Variants in TGM3 observed in about 807,000 individuals in gnomAD.
TGM3 encodes the protein protein-glutamine gamma-glutamyltransferase E.
A neutral mutation model predicts 73.8 loss-of-function variants in TGM3; 52 were observed. The ratio of observed to expected loss-of-function variants is 0.70; its 90% CI spans 0.56 to 0.89. TGM3 has a LOEUF of 0.89. Ranked by LOEUF, TGM3 falls within the 40% of genes least tolerant of loss-of-function variation. The pLI is 0.00. For synonymous variants in TGM3, 372 were observed against 354.9 expected (o/e 1.05, Z -0.54); for missense variants, 928 against 909.9 (o/e 1.02, Z -0.26).
In TGM3 at chr20:2,300,835, T is replaced by G. The variant is rs182608959; in HGVS notation, c.7+4765T>G. Among the ~76,000 whole-genome samples, 347 of 152,268 alleles carry G rather than the reference T, an allele frequency of 2.3e-3. 1 individual carries two copies. Among genetic ancestry groups the G allele is most frequent in the Non-Finnish European group, 3.9e-3 (268 of 68,010 alleles). Reference sequence around the variant, plus strand: ...AAAGCCTCTTCTGCTCTTGGGTTGTTTTTGCCATTACATATGGGATCCCAA... The same window carrying G: ...AAAGCCTCTTCTGCTCTTGGGTTGTGTTTGCCATTACATATGGGATCCCAA... On this transcript the variant is annotated intron_variant, in intron 1 of 12. Transcript: ENST00000381458.
At chr20:2,323,172 T>A (rs192002219) in intron 7 of TGM3, among the ~76,000 whole-genome samples, 145 of 152,354 alleles carry the variant, frequency 9.5e-4, no homozygotes, top group African/African-American at 3.4e-3. Flanking sequence ...CTGAGCAGTA[T>A]ACCCTGAACC....
intron 1 of TGM3, among the ~76,000 whole-genome samples, chr20:2,304,628 G>A (rs1049176475): frequency 6.6e-6 from 1 of 152,134 alleles, no homozygotes; most frequent in African/African-American, 2.4e-5. Flanking sequence ...AAGTCCTGGT[G>A]AAAAGGAAAC....
At chr20:2,298,593 A>G (rs949328914) in intron 1 of TGM3, among the ~76,000 whole-genome samples, 3 of 152,094 alleles carry the variant, frequency 2.0e-5, no homozygotes, top group African/African-American at 7.2e-5. Flanking sequence ...TCAAGGCCTC[A>G]TTTCCTCCAC....
Position 2,309,706 on chromosome 20 carries a change from G to T in TGM3, c.57G>T (p.Ala19=), listed in dbSNP as rs760349725. The T allele has an allele frequency of 1.9e-6, 3 of 1,614,128 alleles. No homozygotes were observed. Among genetic ancestry groups the T allele is most frequent in the Non-Finnish European group, 1.7e-6 (2 of 1,180,016 alleles). ...GGCAGACGGCCTTCAACCGACAAGCGCATCACACAGACAAGTTCTCCAGCC... is the reference window on the plus strand; with the variant it reads ...GGCAGACGGCCTTCAACCGACAAGCTCATCACACAGACAAGTTCTCCAGCC... ...INWQTAFNRQ[A]HHTDKFSSQE... Residue 19 remains alanine (A), a synonymous_variant, in exon 2 of 13, where the codon GCG becomes GCT. Coordinates refer to ENST00000381458, the MANE Select transcript of TGM3 (RefSeq NM_003245.4).
chr20:2,329,502 A>C (rs955811941), intron 9 of TGM3, among the ~76,000 whole-genome samples: 10 of 152,280 alleles, frequency 6.6e-5, no homozygotes, highest in Admixed American at 6.5e-4. Flanking sequence ...CAGTCAATAA[A>C]CATATTCTGA....
chr20:2,300,231 A>C (rs2084137193), intron 1 of TGM3, among the ~76,000 whole-genome samples: 1 of 88,754 alleles, frequency 1.1e-5, no homozygotes, highest in African/African-American at 3.0e-5. Flanking sequence ...AAAGAAAGAA[A>C]GAAAAAAAGA....
chr20:2,340,027 A>AAGGGGGGGGGGG, intron 12 of TGM3, 40 bp downstream of exon 12: 1 of 133,152 alleles, frequency 7.5e-6, no homozygotes. Flanking sequence ...GGAGGGCGGG[A>AAGGGGGGGGGGG]GGGGGCGGGG....
chr20:2,337,220 G>A lies in TGM3; in HGVS notation c.1800+1947G>A, dbSNP rs557043477. Among the ~76,000 whole-genome samples, 6 of 152,262 alleles carry A rather than the reference G, an allele frequency of 3.9e-5. 1 individual carries two copies. The East Asian group carries it at 7.7e-4, about 20-fold the overall frequency. On this transcript the variant is annotated intron_variant, in intron 11 of 12. Coordinates refer to ENST00000381458, the MANE Select transcript of TGM3 (RefSeq NM_003245.4). ...TGGCTCTGGACTTGCATTCTTCCCT[G>A]CACAGGAAAGTCAGTCCAGGCTTGT...
intron 1 of TGM3, among the ~76,000 whole-genome samples, chr20:2,302,663 G>T (rs1432203940): frequency 1.5e-5 from 2 of 132,802 alleles, no homozygotes; most frequent in Non-Finnish European, 3.1e-5. Flanking sequence ...GGAAGAAGAG[G>T]AAGAAAACAG....
chr20:2,315,765 A>G (rs896852041), intron 5 of TGM3, among the ~76,000 whole-genome samples: 1 of 152,140 alleles, frequency 6.6e-6, no homozygotes, highest in Non-Finnish European at 1.5e-5. Context: ...TCCCTTCCCT[A>G]TTGGAAGGTG....
At chr20:2,331,588 C>A (rs532268890) in intron 9 of TGM3, among the ~76,000 whole-genome samples, 10 of 152,258 alleles carry the variant, frequency 6.6e-5, no homozygotes, top group African/African-American at 2.2e-4. Context: ...TAAATCATCA[C>A]CTTGCTTTTT....
rs570804232 is a variant in TGM3, at chr20:2,320,753, G to A, written c.983+3268G>A. ...ATGCTTCTTTGAGATGTCCTCCTTC[G>A]GGTCCACTGCAAAGGAAGTCTCTGG... is the stretch of plus-strand genomic sequence containing the variant. On this transcript the variant is annotated intron_variant, in intron 7 of 12. Coordinates refer to ENST00000381458, the MANE Select transcript of TGM3 (RefSeq NM_003245.4). 2.8e-4 allele frequency among the ~76,000 whole-genome samples: 42 copies of A among 152,234 alleles called. 2 individuals carry two copies. In the South Asian group the frequency reaches 8.3e-3, roughly 30 times the overall value.
rs749665250 is a variant in TGM3 at position 2,313,002 on chromosome 20, C to G, written c.645C>G (p.Tyr215Ter). The change falls in exon 5 of 13, where the codon TAC (tyrosine) becomes TAG (stop). Residue 215 changes from tyrosine to a stop codon, truncating the protein, a stop_gained. Coordinates refer to ENST00000381458, the MANE Select transcript of TGM3 (RefSeq NM_003245.4). LOFTEE classifies it high-confidence loss of function. ...TDVASRNDPKYVGRVLSAMIN... is the reference protein window; with the variant it reads ...TDVASRNDPK ...TGGCCAGCAGAAATGACCCCAAATA[C>G]GTTGGCCGGGTGCTGAGTGCCATGG... 6.2e-7 allele frequency: 1 copy of G among 1,614,058 alleles called. No homozygotes were observed. Among genetic ancestry groups the G allele is most frequent in the Non-Finnish European group, 8.5e-7 (1 of 1,180,036 alleles).
chr20:2,326,992 G>C (rs1016248494), intron 8 of TGM3, among the ~76,000 whole-genome samples: 12 of 152,178 alleles, frequency 7.9e-5, no homozygotes, highest in African/African-American at 2.9e-4. Context: ...CACGTTACTA[G>C]ATTTGGGGGC....
In TGM3 at chr20:2,317,051, G is replaced by T. The variant is rs2084237283; in HGVS notation, c.670-17G>T. On this transcript the variant is annotated splice_polypyrimidine_tract_variant and intron_variant, in intron 5 of 12. Transcript: ENST00000381458. ...GCATTAGTGCTGACTCATTTTGGGGGGGTGGTTTCTGCCCAGATCAATAGC... is the reference window on the plus strand; with the variant it reads ...GCATTAGTGCTGACTCATTTTGGGGTGGTGGTTTCTGCCCAGATCAATAGC... 6.2e-7 allele frequency: 1 copy of T among 1,611,484 alleles called. No individual in the cohort carries two copies. Among genetic ancestry groups the T allele is most frequent in the South Asian group, 1.1e-5 (1 of 91,020 alleles).
intron 12 of TGM3, 112 bp downstream of exon 12, chr20:2,340,099 C>T (rs1031557375): frequency 1.5e-6 from 2 of 1,330,806 alleles, no homozygotes; most frequent in East Asian, 5.0e-5. Context: ...GTTCTTTACT[C>T]TTTTGGGGGT....
At chr20:2,297,229 C>A (rs952801547) in intron 1 of TGM3, among the ~76,000 whole-genome samples, 16 of 152,222 alleles carry the variant, frequency 1.1e-4, no homozygotes, top group Admixed American at 5.9e-4. Context: ...TAGGTCTCAG[C>A]AGTGCCCTTT....
At chr20:2,299,447 G>T (rs1304306073) in intron 1 of TGM3, among the ~76,000 whole-genome samples, 5 of 151,894 alleles carry the variant, frequency 3.3e-5, no homozygotes, top group Admixed American at 6.6e-5. Context: ...GCTCCACCCC[G>T]CAGGGCTGTC....
chr20:2,309,912 C>T (rs151160071), intron 2 of TGM3, 82 bp downstream of exon 2: 1 of 1,551,562 alleles, frequency 6.4e-7, no homozygotes, highest in African/African-American at 1.4e-5. Flanking sequence ...GGGGACCACA[C>T]TGGGGCCACT....
Sources: allele counts gnomAD v4.1 joint callset (sites outside exome capture counted in the v4.1 genomes callset), GRCh38; gene constraint gnomAD v4.1.1; transcripts MANE v1.5; gene names NCBI Gene and HGNC (gene_info 2026-07-23, HGNC 2026-07-21).